Variants in ANO3 observed in about 807,000 individuals in gnomAD.
ANO3 encodes the protein anoctamin-3.
A neutral mutation model predicts 144.8 loss-of-function variants in ANO3; 99 were observed. That is an observed-to-expected ratio of 0.68 (90% CI 0.58 to 0.81). The LOEUF (loss-of-function observed/expected upper bound fraction) is 0.81, where lower values mean the gene tolerates loss of function less well. Among genes scored for constraint, ANO3 ranks in the 30% least tolerant of loss-of-function variants. ANO3 has a pLI of 0.00. For missense variants in ANO3, 905 were observed against 1,202.2 expected (o/e 0.75, Z 3.66); for synonymous variants, 414 against 392.6 (o/e 1.05, Z -0.64).
chr11:26,516,769 G>T (rs1261573214), intron 5 of ANO3, 58 bp from the exon 6 acceptor site: 2 of 1,200,322 alleles, frequency 1.7e-6, no homozygotes, highest in African/African-American at 1.5e-5. Context: ...TCAAACTGTG[G>T]CATGATATCA....
intron 4 of ANO3, among the ~76,000 whole-genome samples, chr11:26,468,288 C>T (rs372897818): frequency 1.3e-5 from 2 of 152,062 alleles, no homozygotes; most frequent in East Asian, 3.9e-4. Flanking sequence ...CTGTCACTTA[C>T]GATGCCCAAA....
intron 1 of ANO3, among the ~76,000 whole-genome samples, chr11:26,237,317 C>T (rs756274032): frequency 3.3e-5 from 5 of 152,080 alleles, no homozygotes; most frequent in Admixed American, 6.5e-5. Context: ...GTTATTTTTT[C>T]CACAAAGCAT....
chr11:26,565,609 T>C (rs1383068349), intron 14 of ANO3: 2 of 1,613,178 alleles, frequency 1.2e-6, no homozygotes, highest in East Asian at 2.2e-5. Context: ...AAATCTGTTA[T>C]TCCGTGGCTG....
chr11:26,647,071 A>AT (rs1853368847), intron 23 of ANO3, among the ~76,000 whole-genome samples: 1 of 152,096 alleles, frequency 6.6e-6, no homozygotes, highest in Non-Finnish European at 1.5e-5. Context: ...TCTCATACAT[A>AT]TTTTTAAAAC....
At chr11:26,559,331 G>C (rs188733819) in intron 13 of ANO3, 4 of 169,264 alleles carry the variant, frequency 2.4e-5, no homozygotes, top group Admixed American at 2.4e-4. Context: ...CCCACTCCTA[G>C]AAGTTTTGCT....
intron 4 of ANO3, among the ~76,000 whole-genome samples, chr11:26,488,691 G>A (rs1860571283): frequency 1.3e-5 from 2 of 151,950 alleles, no homozygotes; most frequent in African/African-American, 4.9e-5. Flanking sequence ...CTGACTTCAG[G>A]AATGAAGCTG....
upstream of ANO3, among the ~76,000 whole-genome samples, chr11:26,307,258 G>A (rs1214418915): frequency 6.6e-6 from 1 of 152,170 alleles, no homozygotes; most frequent in Non-Finnish European, 1.5e-5. Flanking sequence ...GGAAGATGAG[G>A]CAGGAGAATC....
intron 17 of ANO3, among the ~76,000 whole-genome samples, chr11:26,613,212 CTG>C (rs1240107245): frequency 6.6e-6 from 1 of 151,968 alleles, no homozygotes; most frequent in African/African-American, 2.4e-5. Context: ...TTTTCTCTGA[CTG>C]TTATTTTAAA....
chr11:26,619,439 A>G (rs1852351124), intron 17 of ANO3, among the ~76,000 whole-genome samples: 1 of 152,014 alleles, frequency 6.6e-6, no homozygotes, highest in Admixed American at 6.6e-5. Flanking sequence ...CACCTGGAAC[A>G]CTTTTGAAAA....
At chr11:26,274,189 A>G (rs1275821604) in intron 1 of ANO3, among the ~76,000 whole-genome samples, 1 of 152,146 alleles carries the variant, frequency 6.6e-6, no homozygotes, top group Non-Finnish European at 1.5e-5. Flanking sequence ...ATAAGTGAAT[A>G]TTTTTTAACA....
intron 1 of ANO3, among the ~76,000 whole-genome samples, chr11:26,253,800 C>T (rs1034422714): frequency 6.6e-6 from 1 of 152,074 alleles, no homozygotes; most frequent in African/African-American, 2.4e-5. Context: ...CCTCATGTTA[C>T]CAAGCTAGAT....
intron 1 of ANO3, among the ~76,000 whole-genome samples, chr11:26,356,518 C>G (rs1016024469): frequency 5.3e-5 from 8 of 151,980 alleles, no homozygotes; most frequent in African/African-American, 1.2e-4. Flanking sequence ...TGTTTTTTAT[C>G]CTTTTATTTC....
chr11:26,564,355 G>T (rs1362721009), intron 14 of ANO3, among the ~76,000 whole-genome samples: 1 of 151,308 alleles, frequency 6.6e-6, no homozygotes, highest in Non-Finnish European at 1.5e-5. Context: ...TTGTATATAT[G>T]ATTTGTTTTT....
chr11:26,554,091 C>T (rs1327356371), intron 13 of ANO3, among the ~76,000 whole-genome samples: 4 of 152,094 alleles, frequency 2.6e-5, no homozygotes, highest in African/African-American at 7.2e-5. Flanking sequence ...CAATCCCTGC[C>T]TCCCTGACCT....
chr11:26,487,498 C>T (rs1451136635), intron 4 of ANO3, among the ~76,000 whole-genome samples: 9 of 152,068 alleles, frequency 5.9e-5, no homozygotes, highest in African/African-American at 1.9e-4. Context: ...GAAAAATATC[C>T]GAAAATGTGG....
At chr11:26,325,217 C>T (rs1042996427) in intron 1 of ANO3, among the ~76,000 whole-genome samples, 2 of 152,066 alleles carry the variant, frequency 1.3e-5, no homozygotes, top group Non-Finnish European at 2.9e-5. Flanking sequence ...CTTTTCCTAA[C>T]GTAATTACAA....
chr11:26,429,523 C>A, intron 1 of ANO3, among the ~76,000 whole-genome samples: 1 of 144,758 alleles, frequency 6.9e-6, no homozygotes, highest in African/African-American at 2.5e-5. Flanking sequence ...GAAAATAAAA[C>A]CTAATGTGAC....
intron 19 of ANO3, 119 bp from the exon 20 acceptor site, chr11:26,634,894 G>A: frequency 2.7e-6 from 2 of 743,692 alleles, no homozygotes; most frequent in Non-Finnish European, 4.7e-6. Flanking sequence ...GTCAACTGGG[G>A]ACAGATTGCA....
chr11:26,537,002 T>TCTGA (rs1849526096), intron 9 of ANO3, among the ~76,000 whole-genome samples: 1 of 148,044 alleles, frequency 6.8e-6, no homozygotes, highest in African/African-American at 2.5e-5. Context: ...CCAATATCCT[T>TCTGA]TAAATTTTTT....
Sources: gnomAD v4.1 joint callset for allele counts (sites outside exome capture counted in the v4.1 genomes callset) on GRCh38, gnomAD v4.1.1 for gene constraint, MANE v1.5 for transcripts, NCBI Gene and HGNC (gene_info 2026-07-23, HGNC 2026-07-21) for gene names.